Variants in WWOX observed in about 807,000 individuals in gnomAD.
WWOX encodes the protein WW domain-containing oxidoreductase.
WWOX carries 69 observed loss-of-function variants against 46.2 expected under a neutral mutation model. That is an observed-to-expected ratio of 1.49 (90% CI 1.23 to 1.82). WWOX has a LOEUF of 1.82. WWOX is among the 40% of genes most tolerant of loss of function. The pLI, the probability that WWOX is intolerant of heterozygous loss-of-function variation, is 0.00. For synonymous variants in WWOX, 359 were observed against 202.6 expected (o/e 1.77, Z -6.56); for missense variants, 919 against 542.6 (o/e 1.69, Z -6.89).
chr16:78,556,518 G>C (rs1370748480), intron 8 of WWOX, among the ~76,000 whole-genome samples: 1 of 152,070 alleles, frequency 6.6e-6, no homozygotes, highest in Non-Finnish European at 1.5e-5. Context: ...TACAATTAGA[G>C]TACAATTATA....
rs148098392 is a variant in WWOX, at chr16:78,773,564, G to A, written c.1056+340812G>A. On this transcript the variant is annotated intron_variant, in intron 8 of 8. Transcript: ENST00000566780. ...CTGTTACTATTCTTAGACTAGTGGG[G>A]CTCTCACTTATTCATAGCTCCGCAC... Among the ~76,000 whole-genome samples the A allele has an allele frequency of 4.9e-4, 74 of 152,290 alleles. 1 individual carries two copies. The East Asian group carries it at 0.013, about 27-fold the overall frequency.
chr16:78,301,875 T>G (rs1008347950), intron 5 of WWOX, among the ~76,000 whole-genome samples: 1 of 152,132 alleles, frequency 6.6e-6, no homozygotes, highest in African/African-American at 2.4e-5. Context: ...GAATTTAACA[T>G]ATCTTAGATC....
chr16:78,748,828 C>T (rs1018868671), intron 8 of WWOX, among the ~76,000 whole-genome samples: 10 of 152,204 alleles, frequency 6.6e-5, no homozygotes, highest in Admixed American at 2.0e-4. Context: ...TGCCCAAATC[C>T]TTGTAAAGCC....
At chr16:78,263,983 T>C (rs1478064359) in intron 5 of WWOX, among the ~76,000 whole-genome samples, 1 of 137,110 alleles carries the variant, frequency 7.3e-6, no homozygotes, top group Non-Finnish European at 1.5e-5. Context: ...AAATATGTGT[T>C]TGGCTGTGAA....
intron 8 of WWOX, among the ~76,000 whole-genome samples, chr16:78,704,837 T>C (rs1003961168): frequency 2.6e-5 from 4 of 152,140 alleles, no homozygotes; most frequent in African/African-American, 9.7e-5. Context: ...TTTCAGAGCA[T>C]TGACATTACG....
chr16:78,916,981 T>G (rs2045266492), intron 8 of WWOX, among the ~76,000 whole-genome samples: 1 of 152,192 alleles, frequency 6.6e-6, no homozygotes, highest in Non-Finnish European at 1.5e-5. Context: ...TCCCTTGGTT[T>G]TATTTTTCTC....
chr16:78,372,645 C>T (rs1597119640), intron 5 of WWOX, among the ~76,000 whole-genome samples: 1 of 152,280 alleles, frequency 6.6e-6, no homozygotes, highest in Middle Eastern at 3.4e-3. Flanking sequence ...GCTGTCAGCC[C>T]ACTTCCTGCT....
At chr16:78,299,057 T>A (rs1428093281) in intron 5 of WWOX, among the ~76,000 whole-genome samples, 3 of 152,214 alleles carry the variant, frequency 2.0e-5, no homozygotes, top group Non-Finnish European at 4.4e-5. Context: ...GCCTAGGAGA[T>A]ACATGGAGAA....
chr16:78,988,446 T>C (rs2046823265), intron 8 of WWOX, among the ~76,000 whole-genome samples: 1 of 151,846 alleles, frequency 6.6e-6, no homozygotes, highest in South Asian at 2.1e-4. Context: ...GAGCAGATAC[T>C]GGAGACAGTT....
At chr16:78,723,927 C>G (rs768392127) in intron 8 of WWOX, among the ~76,000 whole-genome samples, 11 of 152,128 alleles carry the variant, frequency 7.2e-5, no homozygotes, top group Non-Finnish European at 1.0e-4. Context: ...ATTTGAGGAC[C>G]TAGACTTCAC....
chr16:78,303,060 C>T (rs1287416875), intron 5 of WWOX, among the ~76,000 whole-genome samples: 1 of 152,174 alleles, frequency 6.6e-6, no homozygotes, highest in Non-Finnish European at 1.5e-5. Flanking sequence ...AGCTGGTTTT[C>T]CCTTTAAAAC....
chr16:78,779,087 C>G lies in WWOX; in HGVS notation c.1056+346335C>G, dbSNP rs534021577. Among the ~76,000 whole-genome samples the G allele has an allele frequency of 7.9e-5, 11 of 138,644 alleles. No homozygotes were observed. In the South Asian group the frequency reaches 2.7e-3, roughly 35 times the overall value. The allele number at this position is 138,644 out of a possible 152,430, so 91.0% of individuals were successfully genotyped here. On this transcript the variant is annotated intron_variant, in intron 8 of 8. Transcript: ENST00000566780. ...GGATTCATAGAGATCACTCTATCGC[C>G]TAAAATTCTCTCTTCTACATATCTC...
chr16:79,067,729 A>T (rs776837205), intron 8 of WWOX, among the ~76,000 whole-genome samples: 1 of 152,052 alleles, frequency 6.6e-6, no homozygotes, highest in East Asian at 1.9e-4. Context: ...CTGCAGCTGT[A>T]TTCGCTGTGC....
intron 8 of WWOX, among the ~76,000 whole-genome samples, chr16:78,886,320 C>G (rs572973673): frequency 4.0e-4 from 60 of 148,886 alleles, no homozygotes; most frequent in South Asian, 1.7e-3. Flanking sequence ...CCTCATGAAT[C>G]TCTGAGTACA....
At chr16:79,100,659 A>C (rs1210340853) in intron 8 of WWOX, among the ~76,000 whole-genome samples, 2 of 152,160 alleles carry the variant, frequency 1.3e-5, no homozygotes, top group Admixed American at 1.3e-4. Flanking sequence ...ATGTTCTGAC[A>C]GTTTAATTCA....
intron 6 of WWOX, among the ~76,000 whole-genome samples, chr16:78,395,265 T>C (rs1350959836): frequency 6.6e-6 from 1 of 152,226 alleles, no homozygotes; most frequent in Admixed American, 6.5e-5. Context: ...ATGCCTGTTA[T>C]CCCAGCACTT....
intron 8 of WWOX, among the ~76,000 whole-genome samples, chr16:79,033,205 T>C (rs2047799749): frequency 7.4e-6 from 1 of 135,758 alleles, no homozygotes; most frequent in Non-Finnish European, 1.5e-5. Context: ...TATAAATATG[T>C]GTATATATAT....
chr16:78,663,248 C>G (rs995421877), intron 8 of WWOX, among the ~76,000 whole-genome samples: 7 of 152,162 alleles, frequency 4.6e-5, no homozygotes, highest in African/African-American at 1.4e-4. Context: ...TGGAATCATA[C>G]AATACGTGGC....
chr16:78,400,768 A>G (rs532085529), intron 6 of WWOX, among the ~76,000 whole-genome samples: 2 of 151,852 alleles, frequency 1.3e-5, no homozygotes, highest in South Asian at 2.1e-4. Flanking sequence ...TTAAATTTGT[A>G]TCAATGAATA....
Sources: gnomAD v4.1 joint callset for allele counts (sites outside exome capture counted in the v4.1 genomes callset) on GRCh38, gnomAD v4.1.1 for gene constraint, MANE v1.5 for transcripts, NCBI Gene and HGNC (gene_info 2026-07-23, HGNC 2026-07-21) for gene names.